Variants in PTPN3 observed in about 807,000 individuals in gnomAD.
PTPN3 encodes tyrosine-protein phosphatase non-receptor type 3.
A neutral mutation model predicts 132.7 loss-of-function variants in PTPN3; 96 were observed. The observed-to-expected ratio is 0.72, with a 90% CI of 0.61 to 0.86. PTPN3 has a LOEUF of 0.86. Among genes scored for constraint, PTPN3 ranks in the 40% least tolerant of loss-of-function variants. The pLI, the probability that PTPN3 is intolerant of heterozygous loss-of-function variation, is 0.00. For missense variants in PTPN3, 1,125 were observed against 1,159.6 expected, an observed-to-expected ratio of 0.97 and a Z score of 0.43; for synonymous variants, 398 against 429.0, an observed-to-expected ratio of 0.93 and a Z score of 0.89.
intron 7 of PTPN3, among the ~76,000 whole-genome samples, chr9:109,439,072 G>GA (rs1200872649): frequency 6.6e-6 from 1 of 152,172 alleles, no homozygotes; most frequent in African/African-American, 2.4e-5. Context: ...TGATGCCTAT[G>GA]ATGTGATGGG....
the PTPN3 span, among the ~76,000 whole-genome samples, chr9:109,519,332 G>A: frequency 2.0e-5 from 3 of 152,182 alleles, no homozygotes; most frequent in Admixed American, 6.5e-5. Flanking sequence ...TTGCCCAACC[G>A]TAGGCTAATG....
rs1839652370 is a variant in PTPN3, at chr9:109,387,110, T to C, written c.2253+2123A>G. Among the ~76,000 whole-genome samples the C allele has an allele frequency of 2.0e-5, 3 of 152,148 alleles. No individual in the cohort carries two copies. In the South Asian group the frequency reaches 6.2e-4, roughly 32 times the overall value. On this transcript the variant is annotated intron_variant, in intron 22 of 25. Coordinates refer to ENST00000374541, the MANE Select transcript of PTPN3 (RefSeq NM_002829.4). The stretch of plus-strand genomic sequence containing the variant: ...GCCAGACTGGTGAGCTCAGGGCGTG[T>C]ACCACCTGGGTGCAGGTGCATGGCT...
the PTPN3 span, among the ~76,000 whole-genome samples, chr9:109,509,409 C>T: frequency 1.3e-5 from 2 of 152,146 alleles, no homozygotes; most frequent in Non-Finnish European, 2.9e-5. Flanking sequence ...CTTTGATTAC[C>T]TAGATAGGCT....
chr9:109,488,745 C>T (rs373821510), intron 1 of PTPN3, among the ~76,000 whole-genome samples: 1 of 152,152 alleles, frequency 6.6e-6, no homozygotes, highest in Admixed American at 6.5e-5. Context: ...ACCCCTTGAC[C>T]GAGTGTCTGG....
intron 5 of PTPN3, chr9:109,449,795 A>C (rs781485947): frequency 1.2e-5 from 12 of 985,406 alleles, no homozygotes; most frequent in Non-Finnish European, 1.3e-5. Context: ...GAGAGAAATA[A>C]TTTTCACAAT....
chr9:109,436,630 C>A (rs888373639), intron 9 of PTPN3, among the ~76,000 whole-genome samples: 2 of 151,882 alleles, frequency 1.3e-5, no homozygotes, highest in Non-Finnish European at 2.9e-5. Context: ...AATGGTCTTA[C>A]AAAAATTACT....
At chr9:109,423,139 G>A (rs958340921) in intron 12 of PTPN3, among the ~76,000 whole-genome samples, 4 of 152,186 alleles carry the variant, frequency 2.6e-5, no homozygotes, top group African/African-American at 7.2e-5. Context: ...GGAATTCCAG[G>A]ATCACACAGA....
intron 1 of PTPN3, among the ~76,000 whole-genome samples, chr9:109,476,837 T>C (rs1366894972): frequency 1.3e-5 from 2 of 152,248 alleles, no homozygotes; most frequent in East Asian, 3.8e-4. Flanking sequence ...ATGCTGCCTA[T>C]GCATTCTTGC....
At chr9:109,436,155 C>T (rs965408579) in intron 9 of PTPN3, among the ~76,000 whole-genome samples, 1 of 152,138 alleles carries the variant, frequency 6.6e-6, no homozygotes, top group Admixed American at 6.5e-5. Context: ...TTTTTGCTTC[C>T]TTTTGGATAT....
chr9:109,433,415 G>C (rs904936771), intron 9 of PTPN3, among the ~76,000 whole-genome samples: 6 of 152,110 alleles, frequency 3.9e-5, no homozygotes, highest in African/African-American at 1.4e-4. Context: ...TACCAAATAA[G>C]CCCACTCATT....
At chr9:109,456,631 A>G (rs1311591909) in intron 4 of PTPN3, among the ~76,000 whole-genome samples, 1 of 152,194 alleles carries the variant, frequency 6.6e-6, no homozygotes, top group African/African-American at 2.4e-5. Flanking sequence ...AGAGCAGATC[A>G]GGGCAGAGGG....
intron 1 of PTPN3, among the ~76,000 whole-genome samples, chr9:109,494,175 C>T (rs990579527): frequency 6.6e-6 from 1 of 152,220 alleles, no homozygotes; most frequent in Non-Finnish European, 1.5e-5. Context: ...TAGTGAACAC[C>T]AAGAGGCTGG....
intron 4 of PTPN3, among the ~76,000 whole-genome samples, chr9:109,456,561 G>T (rs10816813): frequency 0.58 from 88,577 of 151,930 alleles, 26,294 homozygotes; most frequent in African/African-American, 0.67. Context: ...CAGCCAGGTT[G>T]GTCTGGGGCA....
At chr9:109,524,389 G>GAT in the PTPN3 span, among the ~76,000 whole-genome samples, 1 of 39,346 alleles carries the variant, frequency 2.5e-5, no homozygotes, top group Non-Finnish European at 4.7e-5. Context: ...CCATCTCACA[G>GAT]CTGGAGCCTC....
intron 1 of PTPN3, among the ~76,000 whole-genome samples, chr9:109,483,533 C>T (rs556710222): frequency 3.9e-5 from 6 of 152,236 alleles, no homozygotes; most frequent in African/African-American, 1.4e-4. Context: ...AGTGCTAAGA[C>T]AGAGGACCTT....
In PTPN3 at chr9:109,463,296, C is replaced by A. The variant is rs1845937219; in HGVS notation, c.138+1G>T. On this transcript the variant is annotated splice_donor_variant, in intron 2 of 25. Coordinates refer to ENST00000374541, the MANE Select transcript of PTPN3 (RefSeq NM_002829.4). LOFTEE classifies it high-confidence loss of function. ...GTAAAAAAAAAAAGTAGAGAACTTA[C>A]AGTAACTTTAAAGGTCTGTACCACG... The A allele has an allele frequency of 6.4e-7, 1 of 1,563,022 alleles. No individual in the cohort carries two copies. The highest frequency in any genetic ancestry group is 8.6e-7 in the Non-Finnish European group (1 of 1,159,648).
rs140736707 is a variant in PTPN3 at position 109,491,585 on chromosome 9, T to C, written c.-18+6634A>G. ...CCCTGCCTTCACACAGCTTACAGTG[T>C]AGCCGGGAGACAGGTACTAATACAA... On this transcript the variant is annotated intron_variant, in intron 1 of 25. Coordinates refer to ENST00000374541, the MANE Select transcript of PTPN3 (RefSeq NM_002829.4). Among the ~76,000 whole-genome samples, 4 of 152,342 alleles carry C rather than the reference T, an allele frequency of 2.6e-5. No individual in the cohort carries two copies. In the East Asian group the frequency reaches 7.7e-4, roughly 29 times the overall value.
chr9:109,474,606 C>A (rs1368595149), intron 1 of PTPN3, among the ~76,000 whole-genome samples: 1 of 152,068 alleles, frequency 6.6e-6, no homozygotes, highest in Non-Finnish European at 1.5e-5. Flanking sequence ...CACTGCAAAA[C>A]CCATGTGCAA....
intron 9 of PTPN3, among the ~76,000 whole-genome samples, chr9:109,433,896 C>A (rs1843836430): frequency 7.9e-6 from 1 of 126,532 alleles, no homozygotes; most frequent in Admixed American, 1.0e-4. Flanking sequence ...CCAGCCTAGG[C>A]AGCAGAGGGA....
Sources: gnomAD v4.1 joint callset for allele counts (sites outside exome capture counted in the v4.1 genomes callset) on GRCh38, gnomAD v4.1.1 for gene constraint, MANE v1.5 for transcripts, NCBI Gene and HGNC (gene_info 2026-07-23, HGNC 2026-07-21) for gene names.